The following ITFG1 variants were observed in gnomAD, a reference collection of about 807,000 sequenced individuals.
ITFG1 encodes T-cell immunomodulatory protein.
ITFG1 carries 34 observed loss-of-function variants against 81.8 expected under a neutral mutation model. The ratio of observed to expected loss-of-function variants is 0.42; its 90% CI spans 0.32 to 0.55. The LOEUF (loss-of-function observed/expected upper bound fraction) is 0.55, where lower values mean the gene tolerates loss of function less well. Among genes scored for constraint, ITFG1 ranks in the 20% least tolerant of loss-of-function variants. The pLI is 0.17. For missense variants in ITFG1, 672 were observed against 755.4 expected, an observed-to-expected ratio of 0.89 and a Z score of 1.29; for synonymous variants, 285 against 270.6, an observed-to-expected ratio of 1.05 and a Z score of -0.52.
intron 12 of ITFG1, among the ~76,000 whole-genome samples, chr16:47,246,513 A>G (rs1055601496): frequency 5.3e-5 from 8 of 152,194 alleles, no homozygotes; most frequent in Non-Finnish European, 1.5e-5. Context: ...TTAATTAGGA[A>G]TTCTGAACTC....
At chr16:47,193,955 T>C (rs1399596834) in intron 14 of ITFG1, among the ~76,000 whole-genome samples, 6 of 152,218 alleles carry the variant, frequency 3.9e-5, no homozygotes, top group Non-Finnish European at 8.8e-5. Flanking sequence ...AATATGAGTT[T>C]TTCCTCAATG....
intron 5 of ITFG1, chr16:47,449,336 A>G (rs975567108): frequency 6.6e-6 from 1 of 152,264 alleles, no homozygotes; most frequent in African/African-American, 2.4e-5. Context: ...CAAAATGTCA[A>G]TGCTGATGAC....
chr16:47,458,646 G>A (rs916227240), intron 2 of ITFG1, among the ~76,000 whole-genome samples: 3 of 152,044 alleles, frequency 2.0e-5, no homozygotes, highest in Admixed American at 6.6e-5. Context: ...AATTAAACTT[G>A]AATTCCTTCC....
chr16:47,378,897 T>C (rs1231884673), intron 6 of ITFG1, among the ~76,000 whole-genome samples: 1 of 152,120 alleles, frequency 6.6e-6, no homozygotes, highest in Non-Finnish European at 1.5e-5. Flanking sequence ...TGGCTAAGAG[T>C]AATTCACAAA....
intron 2 of ITFG1, among the ~76,000 whole-genome samples, chr16:47,458,568 T>C (rs1342811207): frequency 6.6e-6 from 1 of 152,188 alleles, no homozygotes; most frequent in Non-Finnish European, 1.5e-5. Flanking sequence ...GGAGTGGTCA[T>C]TGTTTCATGC....
At chr16:47,226,642 G>A (rs1321803179) in intron 13 of ITFG1, among the ~76,000 whole-genome samples, 1 of 150,324 alleles carries the variant, frequency 6.7e-6, no homozygotes, top group African/African-American at 2.5e-5. Context: ...TTCTCCTTGC[G>A]ACAGTTCGCT....
chr16:47,441,944 A>C (rs377230707), intron 5 of ITFG1, among the ~76,000 whole-genome samples: 3 of 152,154 alleles, frequency 2.0e-5, no homozygotes, highest in African/African-American at 4.8e-5. Context: ...TCGTCTCAGC[A>C]CAAAATCTCC....
chr16:47,160,187 T>TAA (rs34363166), intron 16 of ITFG1, among the ~76,000 whole-genome samples: 1 of 115,550 alleles, frequency 8.7e-6, no homozygotes, highest in Non-Finnish European at 1.8e-5. Context: ...AGTGTTTTGG[T>TAA]AAAAAAAAAA....
At chr16:47,442,063 G>A (rs1969259307) in intron 5 of ITFG1, among the ~76,000 whole-genome samples, 1 of 152,128 alleles carries the variant, frequency 6.6e-6, no homozygotes, top group Non-Finnish European at 1.5e-5. Context: ...CAAATCATGA[G>A]TGAACTCCCA....
intron 10 of ITFG1, among the ~76,000 whole-genome samples, chr16:47,297,743 T>C (rs73541007): frequency 0.078 from 11,800 of 152,032 alleles, 814 homozygotes; most frequent in African/African-American, 0.18. Context: ...GTTTCTCTTA[T>C]AGGCAACTAG....
At chr16:47,260,099 C>T (rs535823446) in intron 11 of ITFG1, among the ~76,000 whole-genome samples, 6 of 151,994 alleles carry the variant, frequency 3.9e-5, no homozygotes, top group East Asian at 1.9e-4. Context: ...CCACCACGCC[C>T]GGCTAATTTT....
chr16:47,402,230 T>A lies in ITFG1; in HGVS notation c.656-26290A>T, dbSNP rs184550565. On this transcript the variant is annotated intron_variant, in intron 6 of 17. Coordinates refer to ENST00000320640, the MANE Select transcript of ITFG1 (RefSeq NM_030790.5). ...TTAGAAGGTCATGAAATAAATCTTA[T>A]CAACATCTAAAAATTCACTTGTACC... 5.9e-5 allele frequency among the ~76,000 whole-genome samples: 9 copies of A among 152,306 alleles called. No homozygotes were observed. The East Asian group carries it at 1.5e-3, about 26-fold the overall frequency.
chr16:47,326,221 A>T (rs140621393), intron 8 of ITFG1, among the ~76,000 whole-genome samples: 6 of 152,316 alleles, frequency 3.9e-5, no homozygotes, highest in Middle Eastern at 6.8e-3. Flanking sequence ...AAAGACAAAA[A>T]CCACATGATT....
chr16:47,433,791 A>ATG (rs1969123668), intron 5 of ITFG1, among the ~76,000 whole-genome samples: 1 of 143,958 alleles, frequency 6.9e-6, no homozygotes, highest in African/African-American at 2.6e-5. Flanking sequence ...ATATATATAT[A>ATG]TACACACACA....
chr16:47,190,893 G>A (rs1965284011), intron 14 of ITFG1, among the ~76,000 whole-genome samples: 1 of 152,148 alleles, frequency 6.6e-6, no homozygotes, highest in African/African-American at 2.4e-5. Context: ...GGGGTTTGGT[G>A]GGATGACTGC....
chr16:47,396,989 T>G (rs1968601846), intron 6 of ITFG1, among the ~76,000 whole-genome samples: 2 of 152,192 alleles, frequency 1.3e-5, no homozygotes. Flanking sequence ...GAAGATGTTA[T>G]GTCTCCAGTG....
chr16:47,189,474 T>C (rs999958199), intron 14 of ITFG1, among the ~76,000 whole-genome samples: 2 of 152,220 alleles, frequency 1.3e-5, no homozygotes, highest in Non-Finnish European at 2.9e-5. Context: ...TGTGGCCTTT[T>C]GTGTCTGGCT....
At chr16:47,411,256 G>A (rs1467358010) in intron 6 of ITFG1, among the ~76,000 whole-genome samples, 1 of 152,160 alleles carries the variant, frequency 6.6e-6, no homozygotes, top group African/African-American at 2.4e-5. Context: ...CCTTCCACAG[G>A]TATGGGCCAG....
intron 10 of ITFG1, among the ~76,000 whole-genome samples, chr16:47,275,825 G>A (rs1290781685): frequency 6.6e-6 from 1 of 151,998 alleles, no homozygotes; most frequent in Admixed American, 6.5e-5. Context: ...GATCATCTCT[G>A]GGTGATTTTT....
Sources: gnomAD v4.1 joint callset for allele counts (sites outside exome capture counted in the v4.1 genomes callset) on GRCh38, gnomAD v4.1.1 for gene constraint, MANE v1.5 for transcripts, NCBI Gene and HGNC (gene_info 2026-07-23, HGNC 2026-07-21) for gene names.